Variants in GABRR1 observed in about 807,000 individuals in gnomAD.
GABRR1 encodes gamma-aminobutyric acid type A receptor subunit rho1.
In GABRR1, 59 loss-of-function variants were observed where a neutral mutation model predicts 55.5. The ratio of observed to expected loss-of-function variants is 1.06; its 90% CI spans 0.86 to 1.32. The LOEUF (loss-of-function observed/expected upper bound fraction) is 1.32, where lower values mean the gene tolerates loss of function less well. Ranked by LOEUF, GABRR1 falls within the 40% of genes most tolerant of loss-of-function variation. The pLI, the probability that GABRR1 is intolerant of heterozygous loss-of-function variation, is 0.00. For missense variants in GABRR1, 602 were observed against 619.1 expected, an observed-to-expected ratio of 0.97 and a Z score of 0.29; for synonymous variants, 213 against 226.0, an observed-to-expected ratio of 0.94 and a Z score of 0.51.
chr6:89,205,958 T>C (rs1332216700), intron 1 of GABRR1, among the ~76,000 whole-genome samples: 1 of 145,348 alleles, frequency 6.9e-6, no homozygotes, highest in Non-Finnish European at 1.5e-5. Context: ...GCTCCACTTC[T>C]CAGACATGTA....
intron 5 of GABRR1, among the ~76,000 whole-genome samples, chr6:89,195,673 A>T (rs12665016): frequency 2.6e-5 from 4 of 152,262 alleles, no homozygotes; most frequent in African/African-American, 9.6e-5. Context: ...CACCAGACTT[A>T]TCTTGTAAAA....
chr6:89,212,428 CT>C (rs1772855610), intron 1 of GABRR1, among the ~76,000 whole-genome samples: 1 of 34,702 alleles, frequency 2.9e-5, no homozygotes, highest in Non-Finnish European at 7.8e-5. Context: ...AGCATCGTCT[CT>C]CTGAAATGGA....
intron 5 of GABRR1, among the ~76,000 whole-genome samples, chr6:89,195,505 A>G (rs1487726498): frequency 6.6e-6 from 1 of 152,070 alleles, no homozygotes; most frequent in Non-Finnish European, 1.5e-5. Flanking sequence ...CAGACTTCCC[A>G]ATGGAAACCA....
At chr6:89,201,310 G>T in intron 2 of GABRR1, 45 bp from the exon 3 acceptor site, 1 of 1,318,256 alleles carries the variant, frequency 7.6e-7, no homozygotes, top group Non-Finnish European at 1.1e-6. Context: ...TTCCAACCAA[G>T]ACAAATAAAC....
chr6:89,224,028 C>T (rs986175195), intron 1 of GABRR1, among the ~76,000 whole-genome samples: 6 of 150,512 alleles, frequency 4.0e-5, no homozygotes, highest in Admixed American at 1.3e-4. Context: ...CCCAAAGTGC[C>T]GGGATTACAG....
At chr6:89,198,466 A>G (rs1772370745) in intron 4 of GABRR1, among the ~76,000 whole-genome samples, 1 of 151,828 alleles carries the variant, frequency 6.6e-6, no homozygotes, top group Admixed American at 6.6e-5. Flanking sequence ...TGGAGCAGAC[A>G]GTGTAAGTGT....
intron 1 of GABRR1, among the ~76,000 whole-genome samples, chr6:89,224,343 T>C (rs373689566): frequency 4.6e-5 from 7 of 151,918 alleles, no homozygotes; most frequent in East Asian, 3.9e-4. Flanking sequence ...CTGCCTGCCT[T>C]GGCCTCCCAA....
intron 9 of GABRR1, among the ~76,000 whole-genome samples, chr6:89,179,742 G>A (rs9359845): frequency 0.42 from 63,838 of 151,938 alleles, 13,574 homozygotes; most frequent in Admixed American, 0.45. Flanking sequence ...TTGGTATTGT[G>A]GGGATAGATT....
intron 9 of GABRR1, among the ~76,000 whole-genome samples, chr6:89,179,622 C>T (rs1417021800): frequency 2.0e-5 from 3 of 152,180 alleles, no homozygotes; most frequent in Non-Finnish European, 4.4e-5. Context: ...CATAGATCAC[C>T]CTGTTCTCCA....
At chr6:89,220,851 G>T (rs940091140), upstream of GABRR1, among the ~76,000 whole-genome samples, 4 of 152,068 alleles carry the variant, frequency 2.6e-5, no homozygotes, top group African/African-American at 9.7e-5. Context: ...CTCCCGAGTA[G>T]CTGGGATTAC....
chr6:89,188,744 G>A lies in GABRR1; in HGVS notation c.655+1421C>T, dbSNP rs796705986. Among the ~76,000 whole-genome samples the A allele has an allele frequency of 3.9e-5, 6 of 152,186 alleles. 1 individual carries two copies. Among genetic ancestry groups the A allele is most frequent in the African/African-American group, 1.4e-4 (6 of 41,508 alleles). On this transcript the variant is annotated intron_variant, in intron 6 of 9. Coordinates refer to ENST00000454853, the MANE Select transcript of GABRR1 (RefSeq NM_002042.5). ...GCCTTTTTACTCTGATAATGTCGATGCACAAAATTGACAATTTTCATGTAG... is the reference window on the plus strand; with the variant it reads ...GCCTTTTTACTCTGATAATGTCGATACACAAAATTGACAATTTTCATGTAG...
chr6:89,185,173 C>T (rs1265289957), intron 7 of GABRR1, 137 bp downstream of exon 7: 5 of 1,134,930 alleles, frequency 4.4e-6, no homozygotes, highest in South Asian at 2.9e-5. Flanking sequence ...CCACTGCACC[C>T]GGCCTCTGTC....
intron 6 of GABRR1, among the ~76,000 whole-genome samples, chr6:89,189,905 G>A (rs1772031508): frequency 6.6e-6 from 1 of 152,116 alleles, no homozygotes; most frequent in Admixed American, 6.6e-5. Context: ...AATTAGCCAG[G>A]CATGGTGGCA....
At chr6:89,207,400 GC>G (rs1772685537) in intron 1 of GABRR1, among the ~76,000 whole-genome samples, 1 of 151,970 alleles carries the variant, frequency 6.6e-6, no homozygotes, top group East Asian at 1.9e-4. Flanking sequence ...TTGCCATGTT[GC>G]CCAGGCTGGT....
rs563475142 is a variant in GABRR1 at position 89,184,061 on chromosome 6, G to T, written c.796+1249C>A. On this transcript the variant is annotated intron_variant, in intron 7 of 9. Transcript: ENST00000454853. ...TCAAGACCAGCCTGGCCAACATGGT[G>T]AAACCCCATCTCTACTAAAAATACA... Among the ~76,000 whole-genome samples the T allele has an allele frequency of 2.6e-5, 4 of 152,212 alleles. No individual in the cohort carries two copies. In the South Asian group the frequency reaches 8.3e-4, roughly 32 times the overall value.
intron 5 of GABRR1, among the ~76,000 whole-genome samples, chr6:89,195,458 G>A (rs1365238568): frequency 1.1e-4 from 16 of 149,948 alleles, no homozygotes; most frequent in East Asian, 5.9e-4. Context: ...GTAAGACTCC[G>A]TCTCCAAAAA....
intron 1 of GABRR1, among the ~76,000 whole-genome samples, chr6:89,223,980 C>A (rs1266576846): frequency 6.6e-6 from 1 of 151,574 alleles, no homozygotes; most frequent in Non-Finnish European, 1.5e-5. Flanking sequence ...GCCAGATGAT[C>A]TCGATCTCTT....
At chr6:89,192,802 C>A (rs1175915386) in intron 5 of GABRR1, among the ~76,000 whole-genome samples, 7 of 152,154 alleles carry the variant, frequency 4.6e-5, no homozygotes, top group Non-Finnish European at 1.0e-4. Flanking sequence ...TTCAGATGAT[C>A]CACCGGATCA....
rs372557173 is a variant in GABRR1 at position 89,181,935 on chromosome 6, G to C, written c.919C>G (p.Arg307Gly). 1.2e-6 allele frequency: 2 copies of C among 1,613,628 alleles called. No homozygotes were observed. The highest frequency in any genetic ancestry group is 1.6e-4 in the Middle Eastern group (1 of 6,062). ...GGGACTCTGGCAGGCACGGCTCTGC[G>C]GTCGATCCAGAAGGACACCCAGGAC... ...MLSWVSFWID[R>G]RAVPARVPLG... Residue 307 changes from arginine to glycine, a missense_variant, in exon 8 of 10, where the codon CGC becomes GGC. Physicochemically the swap from Arg to Gly is moderately radical, Grantham distance 125. Transcript: ENST00000454853.
Sources: allele counts gnomAD v4.1 joint callset (sites outside exome capture counted in the v4.1 genomes callset), GRCh38; gene constraint gnomAD v4.1.1; transcripts MANE v1.5; gene names NCBI Gene and HGNC (gene_info 2026-07-23, HGNC 2026-07-21).